The following FAM149A variants were observed in gnomAD, a reference collection of about 807,000 sequenced individuals.
The protein encoded by FAM149A is family with sequence similarity 149 member A, also known as protein FAM149A.
Under a neutral mutation model 78.2 loss-of-function variants are expected in FAM149A, and 71 were observed. The observed-to-expected ratio is 0.91, with a 90% CI of 0.75 to 1.11. The LOEUF (loss-of-function observed/expected upper bound fraction) is 1.11, where lower values mean the gene tolerates loss of function less well. FAM149A is among the 50% of genes least tolerant of loss of function. The pLI, the probability that FAM149A is intolerant of heterozygous loss-of-function variation, is 0.00. For synonymous variants in FAM149A, 446 were observed against 410.5 expected, an observed-to-expected ratio of 1.09 and a Z score of -1.04; for missense variants, 1,036 against 971.0, an observed-to-expected ratio of 1.07 and a Z score of -0.89.
Position 186,156,075 on chromosome 4 carries a change from C to T in FAM149A, c.1305C>T (p.Ser435=). Reference sequence around the variant, plus strand: ...GCAAACTCGGACTTCCTCCTGTTTCCCCGCGTGACTGTGTCAAAGATGCCG... The same window carrying T: ...GCAAACTCGGACTTCCTCCTGTTTCTCCGCGTGACTGTGTCAAAGATGCCG... Residue 435 remains serine (S), a synonymous_variant, in exon 7 of 14, where the codon TCC becomes TCT. Transcript: ENST00000389354. The T allele has an allele frequency of 1.9e-6, 3 of 1,613,890 alleles. No individual in the cohort carries two copies. In the South Asian group the frequency reaches 3.3e-5, roughly 18 times the overall value.
intron 1 of FAM149A, chr4:186,146,880 T>C (rs1417712058): frequency 1.0e-6 from 1 of 985,492 alleles, no homozygotes; most frequent in African/African-American, 1.7e-5. Context: ...TTTGAGTTGC[T>C]AATTTCGTCT....
intron 1 of FAM149A, among the ~76,000 whole-genome samples, chr4:186,108,013 C>G (rs1399198746): frequency 6.6e-6 from 1 of 152,170 alleles, no homozygotes; most frequent in Non-Finnish European, 1.5e-5. Flanking sequence ...GACTTTGCAC[C>G]TTGAAGGATT....
At chr4:186,154,169 ACT>A (rs1243926338) in intron 5 of FAM149A, among the ~76,000 whole-genome samples, 4 of 152,210 alleles carry the variant, frequency 2.6e-5, no homozygotes, top group Non-Finnish European at 1.5e-5. Flanking sequence ...GATTTTGATG[ACT>A]CTATGCCATT....
At chr4:186,149,053 T>TG in intron 1 of FAM149A, 120 bp from the exon 2 acceptor site, 1 of 636,364 alleles carries the variant, frequency 1.6e-6, no homozygotes, top group Non-Finnish European at 2.3e-6. Flanking sequence ...CAGGTGGGTT[T>TG]GGAGGGATGT....
At chr4:186,136,964 TTCTCTCTCTCTTTCTCTCTCTCTCTCTC>T (rs767170891) in intron 1 of FAM149A, among the ~76,000 whole-genome samples, 1,174 of 96,888 alleles carry the variant, frequency 0.012, 27 homozygotes, top group Middle Eastern at 0.023. Context: ...CTCTCTCTCT[TTCTCTCTCTCTTTCTCTCTCTCTCTCTC>T]TCTCTCTCTC....
At chr4:186,116,626 ACT>A in intron 1 of FAM149A, 1 of 973,560 alleles carries the variant, frequency 1.0e-6, no homozygotes, top group Non-Finnish European at 1.2e-6. Context: ...ACAGAGTCTC[ACT>A]CTGTCACCAG....
chr4:186,138,672 C>T (rs546434947), intron 1 of FAM149A, among the ~76,000 whole-genome samples: 22 of 152,274 alleles, frequency 1.4e-4, no homozygotes, highest in Non-Finnish European at 2.8e-4. Flanking sequence ...AAGGCCGCTC[C>T]GCTGGGGTTC....
rs537707800 is a variant in FAM149A, at chr4:186,118,084, A to G, written c.566+12442A>G. The G allele has an allele frequency of 5.1e-6, 5 of 985,332 alleles. No individual in the cohort carries two copies. The African/African-American group carries it at 7.0e-5, about 14-fold the overall frequency. The allele number at this position is 985,332 out of a possible 1,614,324, so 61.0% of individuals were successfully genotyped here. On this transcript the variant is annotated intron_variant, in intron 1 of 13. Coordinates refer to ENST00000389354, the MANE Select transcript of FAM149A (RefSeq NM_001367768.3). ...GGGCCAGGCACGGGGCTGGACATTC[A>G]TGGTGGAATATGGCAGGAAGTTAAG... is the stretch of plus-strand genomic sequence containing the variant.
In FAM149A at chr4:186,144,673, A is replaced by T. The variant is rs1462889318; in HGVS notation, c.567-4500A>T. On this transcript the variant is annotated intron_variant, in intron 1 of 13. Coordinates refer to ENST00000389354, the MANE Select transcript of FAM149A (RefSeq NM_001367768.3). This position sits in a 1 kb window ranked among gnomAD's most constrained non-coding sequence, Gnocchi z 4.2. ...GCGGAGGAGTGGCCGCTGGGTTGGAAACCCGGCCCGGCAGGGAGCGGGGAA... is the reference window on the plus strand; with the variant it reads ...GCGGAGGAGTGGCCGCTGGGTTGGATACCCGGCCCGGCAGGGAGCGGGGAA... 9.6e-6 allele frequency: 4 copies of T among 415,530 alleles called. No individual in the cohort carries two copies. Among genetic ancestry groups the T allele is most frequent in the African/African-American group, 2.2e-5 (1 of 46,310 alleles). The allele number at this position is 415,530 out of a possible 1,614,324, so 25.7% of individuals were successfully genotyped here.
chr4:186,172,120 C>A lies in FAM149A; in HGVS notation c.*133C>A. On this transcript the variant is annotated 3_prime_UTR_variant, in exon 14 of 14. Transcript: ENST00000389354. ...GATGTTAGACCGAGAGAAAAGCAAACAAATAAATCACTTAATCTTGAACAC... is the reference window on the plus strand; with the variant it reads ...GATGTTAGACCGAGAGAAAAGCAAAAAAATAAATCACTTAATCTTGAACAC... 7.7e-7 allele frequency: 1 copy of A among 1,304,234 alleles called. No homozygotes were observed. Among genetic ancestry groups the A allele is most frequent in the Non-Finnish European group, 1.0e-6 (1 of 981,806 alleles). 80.8% of individuals were successfully genotyped at this position (1,304,234 alleles called of 1,614,324 possible). A position where few individuals can be genotyped will look rare whatever the true frequency, so the allele number is the denominator to read the frequency against.
intron 1 of FAM149A, chr4:186,132,877 T>C (rs35266238): frequency 0.23 from 174,505 of 757,438 alleles, 20,862 homozygotes; most frequent in Middle Eastern, 0.3. Flanking sequence ...GGGTCCCAAG[T>C]TTCTGTTTTG....
intron 8 of FAM149A, chr4:186,160,744 C>CCTCACCACACCCCACA (rs1734534400): frequency 1.1e-6 from 1 of 945,554 alleles, no homozygotes; most frequent in African/African-American, 1.9e-5. Context: ...CCCACACACA[C>CCTCACCACACCCCACA]CACACCACAC....
intron 1 of FAM149A, among the ~76,000 whole-genome samples, chr4:186,142,904 G>C (rs2099326439): frequency 6.6e-6 from 1 of 152,084 alleles, no homozygotes. Context: ...ATCTACATTT[G>C]GGGTGGTTTG....
chr4:186,109,480 C>T, intron 1 of FAM149A: 3 of 985,326 alleles, frequency 3.0e-6, no homozygotes, highest in Non-Finnish European at 3.6e-6. Flanking sequence ...AGCCTGTAGA[C>T]CCGGAAACCA....
At position 186,164,567 on chromosome 4, in the gene FAM149A, C is replaced by A; in HGVS notation, c.1890-777C>A. On this transcript the variant is annotated intron_variant, in intron 10 of 13. Coordinates refer to ENST00000389354, the MANE Select transcript of FAM149A (RefSeq NM_001367768.3). This position sits in a 1 kb window ranked among gnomAD's most constrained non-coding sequence, Gnocchi z 4.0. ...CACAGTTTGGGACTGATGTTTCCAG[C>A]TGTGTTGGGTCTGCTGTGCTGATTC... The A allele has an allele frequency of 1.2e-6, 1 of 822,834 alleles. No individual in the cohort carries two copies. The highest frequency in any genetic ancestry group is 1.5e-6 in the Non-Finnish European group (1 of 681,502). The allele number at this position is 822,834 out of a possible 1,614,324, so 51.0% of individuals were successfully genotyped here.
rs570437949 is a variant in FAM149A, at chr4:186,165,034, C to T, written c.1890-310C>T. 2.2e-3 allele frequency among the ~76,000 whole-genome samples: 331 copies of T among 152,206 alleles called. 1 individual carries two copies. The highest frequency in any genetic ancestry group is 7.5e-3 in the African/African-American group (312 of 41,540). ...GTGATGCTACCTCACCTGTGTCCCC[C>T]GGCTTCTCACCCGCCTGGATTCTCA... is the stretch of plus-strand genomic sequence containing the variant. On this transcript the variant is annotated intron_variant, in intron 10 of 13. Coordinates refer to ENST00000389354, the MANE Select transcript of FAM149A (RefSeq NM_001367768.3).
chr4:186,123,053 G>A (rs762942938), intron 1 of FAM149A: 7 of 212,912 alleles, frequency 3.3e-5, no homozygotes, highest in Non-Finnish European at 5.7e-5. Context: ...TTGTTACAAG[G>A]GAATAAGAAA....
In FAM149A at chr4:186,144,953, G is replaced by A; in HGVS notation, c.567-4220G>A. ...GGCGCGGGCGCGGGCGCGGGCGCGG[G>A]CGCGGGCGGGTGGGGAGCCCCAGCC... On this transcript the variant is annotated intron_variant, in intron 1 of 13. Coordinates refer to ENST00000389354, the MANE Select transcript of FAM149A (RefSeq NM_001367768.3). This position sits in a 1 kb window ranked among gnomAD's most constrained non-coding sequence, Gnocchi z 4.2. 1.1e-5 allele frequency: 10 copies of A among 920,474 alleles called. No homozygotes were observed. Among genetic ancestry groups the A allele is most frequent in the Non-Finnish European group, 1.2e-5 (10 of 803,658 alleles). 57.0% of individuals were successfully genotyped at this position (920,474 alleles called of 1,614,324 possible).
intron 11 of FAM149A, among the ~76,000 whole-genome samples, chr4:186,166,067 A>G (rs1172969107): frequency 1.3e-5 from 2 of 152,160 alleles, no homozygotes; most frequent in Non-Finnish European, 2.9e-5. Context: ...CGCCTCGGCC[A>G]GGCAGTCAGG....
Sources: gnomAD v4.1 joint callset for allele counts (sites outside exome capture counted in the v4.1 genomes callset) on GRCh38, gnomAD v4.1.1 for gene constraint, Gnocchi (gnomAD v3.1) non-coding constraint, MANE v1.5 for transcripts, NCBI Gene and HGNC (gene_info 2026-07-23, HGNC 2026-07-21) for gene names.